CHLSN: variants seen among roughly 807,000 people sequenced by gnomAD.
CHLSN encodes the protein cholesin, also known as protein cholesin.
chr7:1,108,895 ATTTT>A, the CHLSN span, among the ~76,000 whole-genome samples: 1 of 129,502 alleles, frequency 7.7e-6, no homozygotes. Flanking sequence ...TCTCCCAGGC[ATTTT>A]TTTTTTTTTT....
At chr7:1,018,309 G>A in the CHLSN span, among the ~76,000 whole-genome samples, 2 of 152,174 alleles carry the variant, frequency 1.3e-5, no homozygotes, top group South Asian at 2.1e-4. Context: ...ACGAAAGCAC[G>A]TCTTTCTTCT....
the CHLSN span, among the ~76,000 whole-genome samples, chr7:1,034,255 A>G: frequency 6.6e-6 from 1 of 152,352 alleles, no homozygotes; most frequent in Non-Finnish European, 1.5e-5. Context: ...CAAAACACTG[A>G]AGAAACAAAC....
the CHLSN span, among the ~76,000 whole-genome samples, chr7:1,036,373 TGCAGGGCTCGG>T: frequency 6.0e-5 from 9 of 150,976 alleles, no homozygotes; most frequent in Non-Finnish European, 8.9e-5. Context: ...GGTGTGGCCG[TGCAGGGCTCGG>T]GTGCTCGTGC....
the CHLSN span, among the ~76,000 whole-genome samples, chr7:1,068,636 A>C: frequency 0.54 from 82,115 of 151,768 alleles, 22,488 homozygotes; most frequent in Middle Eastern, 0.58. Context: ...CGGCCTCCCC[A>C]TCCCCAGTCT....
chr7:1,086,300 G>A, the CHLSN span, among the ~76,000 whole-genome samples: 1 of 152,126 alleles, frequency 6.6e-6, no homozygotes, highest in Admixed American at 6.5e-5. Context: ...ATTTTTTTCT[G>A]TACTTTCTCA....
At chr7:1,117,000 G>A in the CHLSN span, among the ~76,000 whole-genome samples, 1 of 52,008 alleles carries the variant, frequency 1.9e-5, no homozygotes, top group African/African-American at 2.1e-4. Flanking sequence ...CATCACCGAC[G>A]CCCACGCAGG....
the CHLSN span, among the ~76,000 whole-genome samples, chr7:1,111,345 G>C: frequency 1.3e-5 from 2 of 152,348 alleles, no homozygotes; most frequent in East Asian, 3.9e-4. Flanking sequence ...TGCGGCCCAG[G>C]CCTCATATAA....
At chr7:995,654 C>T in the CHLSN span, among the ~76,000 whole-genome samples, 5 of 152,290 alleles carry the variant, frequency 3.3e-5, no homozygotes, top group Non-Finnish European at 7.3e-5. Flanking sequence ...CCAGCAGCTT[C>T]TCTGCAAAGC....
At chr7:1,040,169 TA>T in the CHLSN span, among the ~76,000 whole-genome samples, 1 of 85,028 alleles carries the variant, frequency 1.2e-5, no homozygotes, top group East Asian at 2.7e-4. Context: ...GAATTATCAA[TA>T]AAAAAATAAA....
chr7:1,134,284 G>T, the CHLSN span, among the ~76,000 whole-genome samples: 10,635 of 151,736 alleles, frequency 0.07, 739 homozygotes, highest in African/African-American at 0.18. Context: ...TAAAAGGGTG[G>T]GGGGCAAGGC....
the CHLSN span, among the ~76,000 whole-genome samples, chr7:1,042,674 G>A: frequency 6.6e-6 from 1 of 152,164 alleles, no homozygotes; most frequent in Non-Finnish European, 1.5e-5. Context: ...CTCAGAGGAA[G>A]CTAACCTCTA....
the CHLSN span, among the ~76,000 whole-genome samples, chr7:1,078,305 G>A: frequency 6.6e-6 from 1 of 152,200 alleles, no homozygotes; most frequent in Non-Finnish European, 1.5e-5. Context: ...TATTTTCACA[G>A]GGCCCGAAAC....
At chr7:1,057,745 G>T in the CHLSN span, 1 of 775,604 alleles carries the variant, frequency 1.3e-6, no homozygotes. Context: ...CTGGTGCTCA[G>T]CGCCCTGGCC....
At chr7:1,113,674 G>A in the CHLSN span, among the ~76,000 whole-genome samples, 5 of 152,298 alleles carry the variant, frequency 3.3e-5, no homozygotes, top group Admixed American at 1.3e-4. Context: ...CCCAGCCCGA[G>A]CATTTCCCAG....
At chr7:1,107,195 C>T in the CHLSN span, among the ~76,000 whole-genome samples, 5 of 152,262 alleles carry the variant, frequency 3.3e-5, no homozygotes, top group East Asian at 7.7e-4. Flanking sequence ...AACACCCACC[C>T]GGAAAAACTG....
chr7:1,012,928 C>T, the CHLSN span, among the ~76,000 whole-genome samples: 4 of 152,216 alleles, frequency 2.6e-5, no homozygotes, highest in African/African-American at 2.4e-5. Flanking sequence ...ACGACGTGAG[C>T]GACCTCAGCT....
the CHLSN span, among the ~76,000 whole-genome samples, chr7:1,016,646 CA>C: frequency 2.3e-4 from 22 of 94,146 alleles, no homozygotes; most frequent in African/African-American, 9.3e-4. Context: ...CGCCAGCGCA[CA>C]GCAGCACACA....
At chr7:985,457 A>G in the CHLSN span, 1 of 1,054,492 alleles carries the variant, frequency 9.5e-7, no homozygotes, top group Non-Finnish European at 1.3e-6. Flanking sequence ...ATCAGATGCA[A>G]GGGCCTGAAT....
At chr7:1,115,572 A>T in the CHLSN span, among the ~76,000 whole-genome samples, 1 of 133,566 alleles carries the variant, frequency 7.5e-6, no homozygotes, top group Non-Finnish European at 1.7e-5. Flanking sequence ...GGCTTCCATC[A>T]CCAACGCCCA....
Sources: gnomAD v4.1 joint callset for allele counts (sites outside exome capture counted in the v4.1 genomes callset) on GRCh38, gnomAD v4.1.1 for gene constraint, MANE v1.5 for transcripts, NCBI Gene and HGNC (gene_info 2026-07-23, HGNC 2026-07-21) for gene names.